FXYD6: variants seen among roughly 807,000 people sequenced by gnomAD.
The protein encoded by FXYD6 is FXYD domain containing ion transport regulator 6.
A neutral mutation model predicts 16.7 loss-of-function variants in FXYD6; 7 were observed. The ratio of observed to expected loss-of-function variants is 0.42; its 90% confidence interval spans 0.24 to 0.79. The LOEUF is 0.79. Ranked by LOEUF, FXYD6 falls within the 30% of genes least tolerant of loss-of-function variation. The pLI is 0.28. For missense variants in FXYD6, 111 were observed against 116.2 expected (o/e 0.95, Z 0.21); for synonymous variants, 49 against 43.0 (o/e 1.14, Z -0.54).
intron 1 of FXYD6, among the ~76,000 whole-genome samples, chr11:117,867,626 A>G (rs957281518): frequency 1.3e-5 from 2 of 152,208 alleles, no homozygotes; most frequent in African/African-American, 2.4e-5. Context: ...TCTTTCTGGC[A>G]TATGAAAATC....
At chr11:117,860,864 T>C (rs2056889135) in intron 1 of FXYD6, among the ~76,000 whole-genome samples, 1 of 152,210 alleles carries the variant, frequency 6.6e-6, no homozygotes, top group Non-Finnish European at 1.5e-5. Flanking sequence ...AAGCAACTAT[T>C]ATTACGATCA....
Position 117,867,239 on chromosome 11 carries a change from C to G in FXYD6, c.-6+9353G>C, listed in dbSNP as rs150387290. ...TGGCCTAATGCTTTCCAGCACTTCA[C>G]TCATCACTGAGGACACTGCAGTGAG... On this transcript the variant is annotated intron_variant, in intron 1 of 7. Coordinates refer to ENST00000526014, the MANE Select transcript of FXYD6 (RefSeq NM_022003.4). Among the ~76,000 whole-genome samples, 215 of 152,354 alleles carry G rather than the reference C, an allele frequency of 1.4e-3. 2 individuals carry two copies. The highest frequency in any genetic ancestry group is 4.1e-3 in the African/African-American group (171 of 41,572).
chr11:117,846,656 C>G (rs1359423916), intron 1 of FXYD6, among the ~76,000 whole-genome samples: 2 of 152,198 alleles, frequency 1.3e-5, no homozygotes, highest in Non-Finnish European at 2.9e-5. Context: ...GGCTATGCCA[C>G]CTTTGTCACA....
At chr11:117,860,402 C>G (rs2056877782) in intron 1 of FXYD6, among the ~76,000 whole-genome samples, 1 of 152,218 alleles carries the variant, frequency 6.6e-6, no homozygotes, top group African/African-American at 2.4e-5. Flanking sequence ...GCGCAGAGAG[C>G]CACAATGCAG....
chr11:117,839,923 G>A (rs536188012), intron 6 of FXYD6, 93 bp from the exon 7 acceptor site: 16 of 1,505,808 alleles, frequency 1.1e-5, no homozygotes, highest in African/African-American at 8.2e-5. Context: ...TGACTCTGGG[G>A]GAGCAAAGAG....
Position 117,840,379 on chromosome 11 carries a change from AAG to A in FXYD6, c.210-13_210-12del. ...TCATCTCCTGGGGCCCTGCAGGAGA[AAG>A]AGACACACAGCCCCATCAGAGATCT... On this transcript the variant is annotated splice_polypyrimidine_tract_variant and intron_variant, in intron 5 of 7. Coordinates refer to ENST00000526014, the MANE Select transcript of FXYD6 (RefSeq NM_022003.4). 6.2e-7 allele frequency: 1 copy of A among 1,614,088 alleles called. No homozygotes were observed. Among genetic ancestry groups the A allele is most frequent in the Non-Finnish European group, 8.5e-7 (1 of 1,180,002 alleles).
At chr11:117,858,878 C>T (rs1467267210) in intron 1 of FXYD6, among the ~76,000 whole-genome samples, 1 of 151,610 alleles carries the variant, frequency 6.6e-6, no homozygotes, top group Non-Finnish European at 1.5e-5. Flanking sequence ...CAGGCTCAAG[C>T]GATTCTCCTG....
chr11:117,858,771 TC>T (rs1457282043), intron 1 of FXYD6, among the ~76,000 whole-genome samples: 3,234 of 110,116 alleles, frequency 0.029, 332 homozygotes, highest in East Asian at 0.065. Flanking sequence ...CTTCCTTCCT[TC>T]CTTCCTTCTT....
In FXYD6 at chr11:117,870,741, G is replaced by A. The variant is rs2057116995; in HGVS notation, c.-6+5851C>T. On this transcript the variant is annotated intron_variant, in intron 1 of 7. Coordinates refer to ENST00000526014, the MANE Select transcript of FXYD6 (RefSeq NM_022003.4). This position sits in a 1 kb window ranked among gnomAD's most constrained non-coding sequence, Gnocchi z 4.2. ...TTGACCTGACTCTGTCTCTGTTTCA[G>A]GAAACACATTATCCCCTCCCTCCCC... 1.3e-5 allele frequency among the ~76,000 whole-genome samples: 2 copies of A among 152,124 alleles called. No homozygotes were observed.
chr11:117,866,753 C>G (rs191014584), intron 1 of FXYD6, among the ~76,000 whole-genome samples: 1 of 152,294 alleles, frequency 6.6e-6, no homozygotes, highest in East Asian at 1.9e-4. Flanking sequence ...TGCATTTATG[C>G]TGAGTACTGG....
intron 1 of FXYD6, among the ~76,000 whole-genome samples, chr11:117,851,487 C>T (rs117369552): frequency 3.9e-5 from 6 of 152,198 alleles, no homozygotes; most frequent in Non-Finnish European, 8.8e-5. Flanking sequence ...TGAGCCAGAA[C>T]CACCCACTGA....
chr11:117,842,241 C>G, intron 2 of FXYD6: 1 of 629,936 alleles, frequency 1.6e-6, no homozygotes, highest in Non-Finnish European at 2.8e-6. Context: ...GGCATCGAAA[C>G]TCAGTGAGGC....
At position 117,842,023 on chromosome 11, in the gene FXYD6, C is replaced by T; in HGVS notation, c.64G>A (p.Glu22Lys). The change falls in exon 3 of 8, where the codon GAA (glutamate) becomes AAA (lysine). Residue 22 changes from glutamate (E) to lysine (K), a missense_variant. Coordinates refer to ENST00000526014, the MANE Select transcript of FXYD6 (RefSeq NM_022003.4). ...AAAGGGTCCATTTCCTTCTCCTTTT[C>T]AGCTGCTGCAAAAACAAACAGTTGG... ...LAPMVLASAA[E>K]KEKEMDPFHY... is the part of the protein sequence containing the mutation. 6.2e-7 allele frequency: 1 copy of T among 1,614,218 alleles called. No homozygotes were observed. Among genetic ancestry groups the T allele is most frequent in the Non-Finnish European group, 8.5e-7 (1 of 1,180,040 alleles).
At chr11:117,857,306 G>A (rs2056754977) in intron 1 of FXYD6, among the ~76,000 whole-genome samples, 1 of 152,214 alleles carries the variant, frequency 6.6e-6, no homozygotes, top group Non-Finnish European at 1.5e-5. Flanking sequence ...GTTTAGTGCA[G>A]GTGGCTATTG....
At chr11:117,854,959 C>T (rs1284170909) in intron 1 of FXYD6, among the ~76,000 whole-genome samples, 1 of 152,202 alleles carries the variant, frequency 6.6e-6, no homozygotes, top group African/African-American at 2.4e-5. Context: ...CAAATGAGGT[C>T]CAACAGGAGA....
chr11:117,841,428 G>A (rs867015269), intron 4 of FXYD6: 2 of 595,034 alleles, frequency 3.4e-6, no homozygotes, highest in East Asian at 2.8e-5. Flanking sequence ...AGAGGGATCT[G>A]TGCAGATCAG....
chr11:117,841,943 G>A, intron 3 of FXYD6, 47 bp downstream of exon 3: 1 of 1,614,062 alleles, frequency 6.2e-7, no homozygotes, highest in Non-Finnish European at 8.5e-7. Context: ...CTGCCAGGCA[G>A]GGCTGCATTC....
chr11:117,864,316 G>A (rs887138096), intron 1 of FXYD6, among the ~76,000 whole-genome samples: 1 of 152,172 alleles, frequency 6.6e-6, no homozygotes, highest in Non-Finnish European at 1.5e-5. Flanking sequence ...TTTTTGACTT[G>A]GGTGCCAAGA....
chr11:117,874,436 G>C (rs2057208299), intron 1 of FXYD6, among the ~76,000 whole-genome samples: 1 of 152,134 alleles, frequency 6.6e-6, no homozygotes, highest in African/African-American at 2.4e-5. Flanking sequence ...GGAGGAGCCA[G>C]GGGGGAAGCA....
Sources: gnomAD v4.1 joint callset for allele counts (sites outside exome capture counted in the v4.1 genomes callset) on GRCh38, gnomAD v4.1.1 for gene constraint, Gnocchi (gnomAD v3.1) non-coding constraint, MANE v1.5 for transcripts, NCBI Gene and HGNC (gene_info 2026-07-23, HGNC 2026-07-21) for gene names.